DENND5B: variants seen among roughly 807,000 people sequenced by gnomAD.
DENND5B encodes the protein DENN domain-containing protein 5B.
In DENND5B, 34 loss-of-function variants were observed where a neutral mutation model predicts 140.6. The observed-to-expected ratio is 0.24, with a 90% CI of 0.18 to 0.32. The LOEUF (loss-of-function observed/expected upper bound fraction) is 0.32, where lower values mean the gene tolerates loss of function less well. DENND5B is among the 10% of genes least tolerant of loss of function. The pLI is 1.00. For synonymous variants in DENND5B, 551 were observed against 562.1 expected, an observed-to-expected ratio of 0.98 and a Z score of 0.28; for missense variants, 1,142 against 1,560.2, an observed-to-expected ratio of 0.73 and a Z score of 4.52.
chr12:31,576,141 CAAA>C (rs71445806), intron 1 of DENND5B, among the ~76,000 whole-genome samples: 1 of 24,600 alleles, frequency 4.1e-5, no homozygotes, highest in Non-Finnish European at 7.3e-5. Flanking sequence ...GCTCTGTCTC[CAAA>C]AAAAAAAAAA....
intron 13 of DENND5B, 36 bp from the exon 14 acceptor site, chr12:31,409,420 T>G: frequency 6.2e-6 from 7 of 1,137,370 alleles, no homozygotes; most frequent in Non-Finnish European, 7.7e-6. Context: ...GACAGTAGTA[T>G]CAAAGAAAAA....
At chr12:31,420,240 C>T (rs1411340316) in intron 11 of DENND5B, among the ~76,000 whole-genome samples, 1 of 152,014 alleles carries the variant, frequency 6.6e-6, no homozygotes, top group South Asian at 2.1e-4. Context: ...GTGATCCTCC[C>T]ACCTCAGCCT....
intron 1 of DENND5B, among the ~76,000 whole-genome samples, chr12:31,511,941 T>TTG (rs58437809): frequency 1.4e-5 from 2 of 147,350 alleles, no homozygotes; most frequent in African/African-American, 5.1e-5. Flanking sequence ...TTTTTTTTTT[T>TTG]GTGACGGAGT....
chr12:31,453,181 T>C (rs1253405057), intron 4 of DENND5B, among the ~76,000 whole-genome samples: 1 of 152,200 alleles, frequency 6.6e-6, no homozygotes, highest in Non-Finnish European at 1.5e-5. Context: ...TCATTATACC[T>C]AATGCAGGAG....
chr12:31,493,741 G>C (rs1946623535), intron 2 of DENND5B, among the ~76,000 whole-genome samples: 1 of 152,200 alleles, frequency 6.6e-6, no homozygotes, highest in Non-Finnish European at 1.5e-5. Flanking sequence ...TGAGGCAGGA[G>C]GATTGCCTGA....
At chr12:31,452,889 T>C (rs984515489) in intron 4 of DENND5B, among the ~76,000 whole-genome samples, 2 of 152,190 alleles carry the variant, frequency 1.3e-5, no homozygotes, top group Non-Finnish European at 2.9e-5. Flanking sequence ...ACAATTGGCA[T>C]CCATTTAGGC....
intron 1 of DENND5B, among the ~76,000 whole-genome samples, chr12:31,563,821 C>A (rs1231182609): frequency 2.0e-5 from 3 of 152,214 alleles, no homozygotes; most frequent in South Asian, 4.2e-4. Flanking sequence ...AAAAAAACTT[C>A]TTTAATGAAA....
intron 8 of DENND5B, among the ~76,000 whole-genome samples, chr12:31,430,118 G>A (rs1314959807): frequency 6.6e-6 from 1 of 151,502 alleles, no homozygotes; most frequent in Non-Finnish European, 1.5e-5. Flanking sequence ...CGCCTCCCAG[G>A]TTCAAGCAAT....
chr12:31,424,430 T>C, intron 10 of DENND5B, 105 bp downstream of exon 10: 1 of 1,368,852 alleles, frequency 7.3e-7, no homozygotes, highest in African/African-American at 1.5e-5. Context: ...AGTCCCCTTG[T>C]GACAAAAGAG....
chr12:31,564,561 CTATTATTATTAT>C (rs3074755), intron 1 of DENND5B, among the ~76,000 whole-genome samples: 3,651 of 136,032 alleles, frequency 0.027, 146 homozygotes, highest in African/African-American at 0.08. Flanking sequence ...TCTTTTCATT[CTATTATTATTAT>C]TATTATTATT....
At chr12:31,496,638 A>C (rs957588668) in intron 1 of DENND5B, among the ~76,000 whole-genome samples, 4 of 152,116 alleles carry the variant, frequency 2.6e-5, no homozygotes, top group Non-Finnish European at 4.4e-5. Context: ...CTGAGGTAGG[A>C]GGATTGCTTG....
chr12:31,415,529 T>C, intron 11 of DENND5B, 81 bp from the exon 12 acceptor site: 1 of 1,154,942 alleles, frequency 8.7e-7, no homozygotes, highest in African/African-American at 1.6e-5. Flanking sequence ...TGAAACTGCT[T>C]CGATAAGAAC....
chr12:31,528,324 T>A (rs1267689), intron 1 of DENND5B, among the ~76,000 whole-genome samples: 11,821 of 152,284 alleles, frequency 0.078, 1,045 homozygotes, highest in African/African-American at 0.22. Flanking sequence ...CACTTCCTCC[T>A]GCGTGTGTCA....
At chr12:31,586,695 C>T (rs1950403841) in intron 1 of DENND5B, among the ~76,000 whole-genome samples, 1 of 152,056 alleles carries the variant, frequency 6.6e-6, no homozygotes, top group African/African-American at 2.4e-5. Flanking sequence ...TGTCCCACCA[C>T]CTGCAGAGTG....
At chr12:31,450,677 T>C (rs1944472945) in intron 5 of DENND5B, among the ~76,000 whole-genome samples, 1 of 152,156 alleles carries the variant, frequency 6.6e-6, no homozygotes, top group Non-Finnish European at 1.5e-5. Flanking sequence ...TACGAAAATT[T>C]TTCATTATTT....
chr12:31,534,986 A>G, intron 1 of DENND5B: 1 of 252,330 alleles, frequency 4.0e-6, no homozygotes, highest in Non-Finnish European at 7.5e-6. Context: ...AGGCAGGAAG[A>G]TAGCTTGAAC....
intron 1 of DENND5B, among the ~76,000 whole-genome samples, chr12:31,519,113 T>C (rs1382834485): frequency 6.6e-6 from 1 of 152,186 alleles, no homozygotes; most frequent in Non-Finnish European, 1.5e-5. Flanking sequence ...TGGAAATGAC[T>C]TCGAAAGGAG....
At chr12:31,446,722 C>T (rs1016856067) in intron 6 of DENND5B, among the ~76,000 whole-genome samples, 9 of 150,914 alleles carry the variant, frequency 6.0e-5, no homozygotes, top group African/African-American at 1.5e-4. Context: ...AGTGAAACCC[C>T]GTCTCTACTG....
At chr12:31,403,465 C>T (rs1433232245) in intron 14 of DENND5B, among the ~76,000 whole-genome samples, 1 of 150,966 alleles carries the variant, frequency 6.6e-6, no homozygotes, top group African/African-American at 2.4e-5. Flanking sequence ...TGGTGGCAGG[C>T]GCCTGAAATC....
Sources: allele counts gnomAD v4.1 joint callset (sites outside exome capture counted in the v4.1 genomes callset), GRCh38; gene constraint gnomAD v4.1.1; transcripts MANE v1.5; gene names NCBI Gene and HGNC (gene_info 2026-07-23, HGNC 2026-07-21).